Variants in BABAM2 observed in about 807,000 individuals in gnomAD.
BABAM2 encodes the protein BRISC and BRCA1-A complex member 2.
A neutral mutation model predicts 54.7 loss-of-function variants in BABAM2; 31 were observed. That is an observed-to-expected ratio of 0.57 (90% CI 0.43 to 0.77). BABAM2 has a LOEUF of 0.77. Among genes scored for constraint, BABAM2 ranks in the 30% least tolerant of loss-of-function variants. The pLI, the probability that BABAM2 is intolerant of heterozygous loss-of-function variation, is 0.00. For synonymous variants in BABAM2, 167 were observed against 162.9 expected, an observed-to-expected ratio of 1.03 and a Z score of -0.19; for missense variants, 364 against 455.8, an observed-to-expected ratio of 0.80 and a Z score of 1.83.
chr2:28,234,677 A>T lies in BABAM2; in HGVS notation c.681-2525A>T, dbSNP rs143971031. Among the ~76,000 whole-genome samples, 27 of 152,322 alleles carry T rather than the reference A, an allele frequency of 1.8e-4. No individual in the cohort carries two copies. In the East Asian group the frequency reaches 4.6e-3, roughly 26 times the overall value. On this transcript the variant is annotated intron_variant, in intron 7 of 11. Transcript: ENST00000379624. ...CTTGGATCTTGCCATTCTGTATGTT[A>T]TACAGATATTCAACCTGTACCTACA...
intron 6 of BABAM2, among the ~76,000 whole-genome samples, chr2:28,101,664 A>G (rs1005082682): frequency 1.3e-5 from 2 of 152,108 alleles, no homozygotes; most frequent in Non-Finnish European, 2.9e-5. Flanking sequence ...GTTGATTTTT[A>G]TCTCACCCTC....
intron 4 of BABAM2, among the ~76,000 whole-genome samples, chr2:28,012,513 C>T (rs1413198476): frequency 2.6e-5 from 4 of 152,112 alleles, no homozygotes; most frequent in Non-Finnish European, 5.9e-5. Flanking sequence ...AAAACTTGAG[C>T]ATTTTGGCCC....
At position 28,261,958 on chromosome 2, in the gene BABAM2, A is replaced by G. The variant is rs186648992; in HGVS notation, c.934+17096A>G. ...TGATACCTTGTCTGAAATAGCTCAC[A>G]ATCTAGTGGGGAAAATGAACATATG... On this transcript the variant is annotated intron_variant, in intron 10 of 11. Coordinates refer to ENST00000379624, the MANE Select transcript of BABAM2 (RefSeq NM_199191.3). Among the ~76,000 whole-genome samples the G allele has an allele frequency of 2.0e-5, 3 of 152,340 alleles. No individual in the cohort carries two copies. In the East Asian group the frequency reaches 5.8e-4, roughly 29 times the overall value.
At chr2:27,984,456 A>G (rs1443514731) in intron 3 of BABAM2, among the ~76,000 whole-genome samples, 1 of 152,084 alleles carries the variant, frequency 6.6e-6, no homozygotes, top group Non-Finnish European at 1.5e-5. Flanking sequence ...ATGATTTATC[A>G]TAGATACAAT....
Position 28,172,224 on chromosome 2 carries a change from A to G in BABAM2, c.680+42844A>G, listed in dbSNP as rs190260459. 2.1e-4 allele frequency among the ~76,000 whole-genome samples: 32 copies of G among 152,298 alleles called. No homozygotes were observed. In the East Asian group the frequency reaches 6.2e-3, roughly 29 times the overall value. On this transcript the variant is annotated intron_variant, in intron 7 of 11. Transcript: ENST00000379624. ...GCATTCATTTAGGACTTCGAAGAAC[A>G]TCATCTGCAATAATATACGTAGTTT...
chr2:28,164,496 A>C (rs1194879167), intron 7 of BABAM2, among the ~76,000 whole-genome samples: 1 of 151,960 alleles, frequency 6.6e-6, no homozygotes, highest in Non-Finnish European at 1.5e-5. Context: ...TTTATCCCAC[A>C]ACATTTTTTT....
intron 7 of BABAM2, among the ~76,000 whole-genome samples, chr2:28,193,107 T>C (rs761129741): frequency 6.6e-6 from 1 of 151,854 alleles, no homozygotes; most frequent in Non-Finnish European, 1.5e-5. Flanking sequence ...GAGGTGGAGA[T>C]TGCAGTGAGC....
At chr2:27,971,088 T>A (rs1204103548) in intron 3 of BABAM2, among the ~76,000 whole-genome samples, 4 of 152,166 alleles carry the variant, frequency 2.6e-5, no homozygotes, top group African/African-American at 9.6e-5. Context: ...TACCAGTTTT[T>A]CTCATTATAA....
At chr2:28,210,761 G>A (rs1679372834) in intron 7 of BABAM2, among the ~76,000 whole-genome samples, 1 of 152,208 alleles carries the variant, frequency 6.6e-6, no homozygotes, top group African/African-American at 2.4e-5. Flanking sequence ...TAGCAAAGCT[G>A]TCATGAAATA....
Position 28,244,877 on chromosome 2 carries a change from G to A in BABAM2, c.934+15G>A, listed in dbSNP as rs1558467891. On this transcript the variant is annotated intron_variant, in intron 10 of 11. Coordinates refer to ENST00000379624, the MANE Select transcript of BABAM2 (RefSeq NM_199191.3). The stretch of plus-strand genomic sequence containing the variant: ...TCTTGTACACAGTGAGTATACTTTT[G>A]CTGTCAGCATGTCAGCATACATTTT... 6 of 1,609,502 alleles carry A rather than the reference G, an allele frequency of 3.7e-6. No individual in the cohort carries two copies. Among genetic ancestry groups the A allele is most frequent in the Non-Finnish European group, 5.1e-6 (6 of 1,176,380 alleles).
intron 3 of BABAM2, among the ~76,000 whole-genome samples, chr2:27,978,304 A>ATTT (rs1176963572): frequency 6.6e-6 from 1 of 152,130 alleles, no homozygotes; most frequent in Non-Finnish European, 1.5e-5. Flanking sequence ...TCCTGCCATG[A>ATTT]TTGTAAGCTT....
Position 28,016,551 on chromosome 2 carries a change from G to T in BABAM2, c.301-8675G>T, listed in dbSNP as rs186204307. On this transcript the variant is annotated intron_variant, in intron 4 of 11. Coordinates refer to ENST00000379624, the MANE Select transcript of BABAM2 (RefSeq NM_199191.3). ...CCGGAGAGATGGCCGAAGCGGGCCC[G>T]CCGCAGGTGCATTTCTTTCTAATTA... 1.4e-4 allele frequency: 87 copies of T among 622,284 alleles called. No homozygotes were observed. In the East Asian group the frequency reaches 2.6e-3, roughly 19 times the overall value. The allele number at this position is 622,284 out of a possible 1,614,324, so 38.5% of individuals were successfully genotyped here.
At chr2:28,026,835 T>TAA (rs1264074217) in intron 5 of BABAM2, among the ~76,000 whole-genome samples, 4 of 54,346 alleles carry the variant, frequency 7.4e-5, no homozygotes, top group Non-Finnish European at 1.3e-4. Context: ...TATATATAAA[T>TAA]ATATATAAAT....
intron 1 of BABAM2, among the ~76,000 whole-genome samples, chr2:27,893,651 C>T (rs1665039002): frequency 2.0e-5 from 3 of 152,124 alleles, no homozygotes; most frequent in South Asian, 2.1e-4. Context: ...GAAGAGATCA[C>T]GTAAGCAGGT....
At chr2:28,084,545 G>A (rs552654920) in intron 6 of BABAM2, among the ~76,000 whole-genome samples, 4 of 152,248 alleles carry the variant, frequency 2.6e-5, no homozygotes, top group Admixed American at 6.5e-5. Context: ...GAGGCCAGGG[G>A]CATTGGAAGA....
intron 6 of BABAM2, among the ~76,000 whole-genome samples, chr2:28,070,470 GA>G (rs1262207381): frequency 6.6e-6 from 1 of 151,890 alleles, no homozygotes; most frequent in Non-Finnish European, 1.5e-5. Flanking sequence ...ATTCAGTAAA[GA>G]AAAAAGCCTC....
chr2:28,240,487 C>T (rs928315630), intron 8 of BABAM2, among the ~76,000 whole-genome samples: 2 of 152,132 alleles, frequency 1.3e-5, no homozygotes, highest in African/African-American at 4.8e-5. Flanking sequence ...CACATACACA[C>T]ACTCAAGGAG....
intron 2 of BABAM2, among the ~76,000 whole-genome samples, chr2:27,917,012 A>G (rs1483139777): frequency 7.3e-6 from 1 of 137,676 alleles, no homozygotes; most frequent in Non-Finnish European, 1.5e-5. Context: ...AATCACTCCA[A>G]ACTTTTTTTT....
chr2:27,951,611 T>G (rs762419511), intron 3 of BABAM2, among the ~76,000 whole-genome samples: 2 of 152,234 alleles, frequency 1.3e-5, no homozygotes, highest in African/African-American at 4.8e-5. Flanking sequence ...GAGTGTTCCA[T>G]AATAGCAATT....
Sources: gnomAD v4.1 joint callset for allele counts (sites outside exome capture counted in the v4.1 genomes callset) on GRCh38, gnomAD v4.1.1 for gene constraint, MANE v1.5 for transcripts, NCBI Gene and HGNC (gene_info 2026-07-23, HGNC 2026-07-21) for gene names.